CDK8: variants seen among roughly 807,000 people sequenced by gnomAD.
The protein encoded by CDK8 is cyclin dependent kinase 8.
In CDK8, 29 loss-of-function variants were observed where a neutral mutation model predicts 71.5. The observed-to-expected ratio is 0.41, with a 90% CI of 0.30 to 0.55. The LOEUF (loss-of-function observed/expected upper bound fraction) is 0.55. Among genes scored for constraint, CDK8 ranks in the 20% least tolerant of loss-of-function variants. CDK8 has a pLI of 0.37. For synonymous variants in CDK8, 161 were observed against 192.1 expected (o/e 0.84, Z 1.34); for missense variants, 288 against 572.6 (o/e 0.50, Z 5.07).
chr13:26,315,907 A>G (rs1593258376), intron 1 of CDK8, among the ~76,000 whole-genome samples: 1 of 152,282 alleles, frequency 6.6e-6, no homozygotes, highest in African/African-American at 2.4e-5. Context: ...TGTGTAACAT[A>G]TATTTTGGAA....
Position 26,401,395 on chromosome 13 carries a change from C to T in CDK8, c.1110+48C>T. The T allele has an allele frequency of 1.2e-6, 2 of 1,610,966 alleles. No individual in the cohort carries two copies. The highest frequency in any genetic ancestry group is 1.7e-4 in the Middle Eastern group (1 of 6,056). Reference sequence around the variant, plus strand: ...CAGCTTCTTGTTTCGTGAATGCCTCCATAACATTTTCCATTGTGGGTATAT... The same window carrying T: ...CAGCTTCTTGTTTCGTGAATGCCTCTATAACATTTTCCATTGTGGGTATAT... On this transcript the variant is annotated intron_variant, in intron 11 of 12. Transcript: ENST00000381527. The surrounding 1 kb of genome is among the most constrained non-coding windows in gnomAD (Gnocchi z 4.5).
chr13:26,306,471 C>G (rs962556496), intron 1 of CDK8, among the ~76,000 whole-genome samples: 4 of 152,010 alleles, frequency 2.6e-5, no homozygotes, highest in Non-Finnish European at 4.4e-5. Context: ...TGATATTCTA[C>G]TTTTTCATTT....
At chr13:26,313,637 A>C (rs1874386048) in intron 1 of CDK8, among the ~76,000 whole-genome samples, 1 of 152,222 alleles carries the variant, frequency 6.6e-6, no homozygotes, top group African/African-American at 2.4e-5. Context: ...TACCATATTT[A>C]ATCTCCAAAG....
chr13:26,311,462 A>G (rs1874281229), intron 1 of CDK8, among the ~76,000 whole-genome samples: 1 of 152,224 alleles, frequency 6.6e-6, no homozygotes, highest in South Asian at 2.1e-4. Flanking sequence ...AGGAGATTCT[A>G]ATATCTCACA....
chr13:26,303,126 T>G (rs1460722148), intron 1 of CDK8, among the ~76,000 whole-genome samples: 1 of 152,096 alleles, frequency 6.6e-6, no homozygotes, highest in African/African-American at 2.4e-5. Flanking sequence ...TCTTTGGCTG[T>G]TATATTTTTT....
At chr13:26,264,036 C>T (rs1385245339) in intron 1 of CDK8, among the ~76,000 whole-genome samples, 1 of 152,184 alleles carries the variant, frequency 6.6e-6, no homozygotes, top group Non-Finnish European at 1.5e-5. Context: ...CGTGAGCCAC[C>T]GCTCCCAGCC....
chr13:26,289,590 GC>G (rs1873200735), intron 1 of CDK8, among the ~76,000 whole-genome samples: 1 of 151,934 alleles, frequency 6.6e-6, no homozygotes, highest in Admixed American at 6.6e-5. Context: ...TCGCTCTGTG[GC>G]CCAGGCTGCA....
intron 1 of CDK8, among the ~76,000 whole-genome samples, chr13:26,270,763 T>C (rs939058885): frequency 3.9e-5 from 6 of 152,238 alleles, no homozygotes; most frequent in African/African-American, 7.2e-5. Flanking sequence ...TTCTACTTTT[T>C]GGTTGTTATG....
At chr13:26,282,358 A>G (rs1223127822) in intron 1 of CDK8, among the ~76,000 whole-genome samples, 1 of 152,216 alleles carries the variant, frequency 6.6e-6, no homozygotes, top group East Asian at 1.9e-4. Flanking sequence ...TATCAGATTA[A>G]CAGCAGATTT....
chr13:26,342,337 C>A (rs1873278771), intron 2 of CDK8, among the ~76,000 whole-genome samples: 1 of 152,218 alleles, frequency 6.6e-6, no homozygotes. Context: ...TTCTTTTCGT[C>A]ACCAAGGAAA....
At chr13:26,360,520 T>C (rs905104349) in intron 4 of CDK8, among the ~76,000 whole-genome samples, 2 of 152,124 alleles carry the variant, frequency 1.3e-5, no homozygotes, top group Non-Finnish European at 2.9e-5. Flanking sequence ...TGAGAATGTT[T>C]ATATCTAAAA....
intron 2 of CDK8, among the ~76,000 whole-genome samples, chr13:26,346,262 T>C (rs1873457878): frequency 6.6e-6 from 1 of 152,198 alleles, no homozygotes; most frequent in Non-Finnish European, 1.5e-5. Flanking sequence ...ACATGCCTAG[T>C]ACCATACTTG....
At chr13:26,373,947 C>T (rs925911784) in intron 4 of CDK8, among the ~76,000 whole-genome samples, 24 of 145,978 alleles carry the variant, frequency 1.6e-4, no homozygotes, top group African/African-American at 6.1e-4. Context: ...TTTGGGAGGC[C>T]GAGGTGAGTG....
chr13:26,375,019 A>G (rs933510882), intron 4 of CDK8, among the ~76,000 whole-genome samples: 1 of 152,182 alleles, frequency 6.6e-6, no homozygotes, highest in African/African-American at 2.4e-5. Context: ...AGCTATATAA[A>G]TTATGGTAAA....
At chr13:26,269,842 C>T (rs981965698) in intron 1 of CDK8, among the ~76,000 whole-genome samples, 9 of 151,980 alleles carry the variant, frequency 5.9e-5, no homozygotes, top group African/African-American at 2.2e-4. Flanking sequence ...TAGAAGATAG[C>T]ATTTGCTACT....
At chr13:26,306,821 G>T (rs1173497377) in intron 1 of CDK8, among the ~76,000 whole-genome samples, 1 of 151,994 alleles carries the variant, frequency 6.6e-6, no homozygotes, top group Admixed American at 6.6e-5. Flanking sequence ...TAGAGACAGG[G>T]TTTCACCATG....
intron 4 of CDK8, among the ~76,000 whole-genome samples, chr13:26,357,848 C>T (rs1395845709): frequency 4.6e-5 from 7 of 152,154 alleles, no homozygotes; most frequent in Non-Finnish European, 1.5e-5. Context: ...TCAACTGATT[C>T]GATGAGGCAT....
At chr13:26,344,901 G>T (rs527572831) in intron 2 of CDK8, among the ~76,000 whole-genome samples, 1 of 152,096 alleles carries the variant, frequency 6.6e-6, no homozygotes, top group East Asian at 1.9e-4. Context: ...CTCTACAATA[G>T]TGATAAAAAG....
At chr13:26,281,063 T>C (rs1236470544) in intron 1 of CDK8, among the ~76,000 whole-genome samples, 1 of 152,244 alleles carries the variant, frequency 6.6e-6, no homozygotes, top group Non-Finnish European at 1.5e-5. Context: ...CATGACAGAA[T>C]AGCCCTGCTT....
Sources: gnomAD v4.1 joint callset for allele counts (sites outside exome capture counted in the v4.1 genomes callset) on GRCh38, gnomAD v4.1.1 for gene constraint, Gnocchi (gnomAD v3.1) non-coding constraint, MANE v1.5 for transcripts, NCBI Gene and HGNC (gene_info 2026-07-23, HGNC 2026-07-21) for gene names.